Variants in TEC observed in about 807,000 individuals in gnomAD.
TEC encodes tyrosine-protein kinase Tec.
Under a neutral mutation model 93.0 loss-of-function variants are expected in TEC, and 72 were observed. The observed-to-expected ratio is 0.77, with a 90% CI of 0.64 to 0.94. The LOEUF (loss-of-function observed/expected upper bound fraction) is 0.94, where lower values mean the gene tolerates loss of function less well. Among genes scored for constraint, TEC ranks in the 40% least tolerant of loss-of-function variants. The pLI, the probability that TEC is intolerant of heterozygous loss-of-function variation, is 0.00. For missense variants in TEC, 630 were observed against 757.9 expected (o/e 0.83, Z 1.98); for synonymous variants, 249 against 247.7 (o/e 1.01, Z -0.05).
chr4:48,223,308 A>G (rs1306900915), intron 2 of TEC, among the ~76,000 whole-genome samples: 1 of 152,232 alleles, frequency 6.6e-6, no homozygotes, highest in Non-Finnish European at 1.5e-5. Context: ...AAAAATATCC[A>G]TGAAACTTTT....
In TEC at chr4:48,261,172, C is replaced by T. The variant is rs537051460; in HGVS notation, c.-46+8580G>A. 3.3e-5 allele frequency among the ~76,000 whole-genome samples: 5 copies of T among 152,242 alleles called. No individual in the cohort carries two copies. In the East Asian group the frequency reaches 9.6e-4, roughly 29 times the overall value. ...TGAACAAGAATTATTTCATGCAATG[C>T]TTCTATAACTGGTTTAAGTATGTGA... On this transcript the variant is annotated intron_variant, in intron 1 of 17. Coordinates refer to ENST00000381501, the MANE Select transcript of TEC (RefSeq NM_003215.3).
At chr4:48,185,193 T>A (rs115470017) in intron 2 of TEC, among the ~76,000 whole-genome samples, 1 of 152,188 alleles carries the variant, frequency 6.6e-6, no homozygotes. Flanking sequence ...AGTCAACTGT[T>A]TAACAGAAAA....
At chr4:48,232,430 A>C (rs2664021) in intron 1 of TEC, among the ~76,000 whole-genome samples, 34,526 of 152,220 alleles carry the variant, frequency 0.23, 4,455 homozygotes, top group African/African-American at 0.34. Context: ...AAGTTCAGAA[A>C]AGTTAAATGG....
chr4:48,224,418 C>A (rs961406064), intron 2 of TEC, among the ~76,000 whole-genome samples: 20 of 152,176 alleles, frequency 1.3e-4, no homozygotes, highest in African/African-American at 4.8e-4. Context: ...TCCAGTGCTG[C>A]TCTTCCTTGG....
intron 10 of TEC, among the ~76,000 whole-genome samples, chr4:48,150,180 T>A (rs527292830): frequency 1.3e-5 from 2 of 152,160 alleles, no homozygotes; most frequent in South Asian, 4.1e-4. Context: ...TCACTGACAT[T>A]GACATGAACT....
At chr4:48,178,588 A>G (rs184929142) in intron 2 of TEC, among the ~76,000 whole-genome samples, 3 of 152,248 alleles carry the variant, frequency 2.0e-5, no homozygotes. Flanking sequence ...ACATTACCCA[A>G]AGCCAGCTAG....
chr4:48,230,250 C>T (rs1014197080), intron 1 of TEC, among the ~76,000 whole-genome samples: 2 of 152,074 alleles, frequency 1.3e-5, no homozygotes, highest in Admixed American at 6.5e-5. Context: ...ACCTCCAATG[C>T]ACCCTTTAAT....
At chr4:48,245,761 C>T (rs531927134) in intron 1 of TEC, among the ~76,000 whole-genome samples, 45 of 152,038 alleles carry the variant, frequency 3.0e-4, no homozygotes, top group Admixed American at 5.2e-4. Context: ...CCTCATTCCC[C>T]GACTTCTAGG....
intron 2 of TEC, among the ~76,000 whole-genome samples, chr4:48,178,423 C>T (rs564241366): frequency 6.6e-6 from 1 of 152,092 alleles, no homozygotes; most frequent in South Asian, 2.1e-4. Context: ...GGTTGAGACA[C>T]TATCGTTGGC....
chr4:48,205,584 AT>A (rs1722689873), intron 2 of TEC, among the ~76,000 whole-genome samples: 4 of 152,236 alleles, frequency 2.6e-5, no homozygotes, highest in Admixed American at 2.0e-4. Context: ...ATTTTTTAAA[AT>A]AAGCTACATA....
At chr4:48,247,580 T>C (rs1724095157) in intron 1 of TEC, among the ~76,000 whole-genome samples, 1 of 152,192 alleles carries the variant, frequency 6.6e-6, no homozygotes, top group Non-Finnish European at 1.5e-5. Context: ...GAAATACTGA[T>C]ACATGGTACA....
intron 2 of TEC, among the ~76,000 whole-genome samples, chr4:48,182,110 C>G (rs1721614591): frequency 6.6e-6 from 1 of 151,960 alleles, no homozygotes; most frequent in African/African-American, 2.4e-5. Context: ...TGGGAAAACC[C>G]CATCTCTACT....
rs181800240 is a variant in TEC at position 48,224,850 on chromosome 4, G to A, written c.138+3627C>T. On this transcript the variant is annotated intron_variant, in intron 2 of 17. Coordinates refer to ENST00000381501, the MANE Select transcript of TEC (RefSeq NM_003215.3). The stretch of plus-strand genomic sequence containing the variant: ...AGCTTGCTGTCATCATGTTGAAGAA[G>A]CTGTCCAGAGAATAAGGAGAAGATG... Among the ~76,000 whole-genome samples the A allele has an allele frequency of 4.1e-4, 63 of 152,292 alleles. 1 individual carries two copies. Among genetic ancestry groups the A allele is most frequent in the Admixed American group, 3.5e-3 (53 of 15,294 alleles).
At chr4:48,239,438 A>G (rs1396889778) in intron 1 of TEC, among the ~76,000 whole-genome samples, 1 of 152,204 alleles carries the variant, frequency 6.6e-6, no homozygotes, top group Non-Finnish European at 1.5e-5. Context: ...TTTCTTGTAT[A>G]AAACGAATAT....
chr4:48,141,665 CTT>C, intron 14 of TEC: 2 of 294,156 alleles, frequency 6.8e-6, no homozygotes. Context: ...TACCAATTGT[CTT>C]TTTTTTTTCT....
intron 2 of TEC, among the ~76,000 whole-genome samples, chr4:48,189,418 C>T (rs1722014214): frequency 6.6e-6 from 1 of 152,348 alleles, no homozygotes; most frequent in African/African-American, 2.4e-5. Context: ...TCAGCCACCT[C>T]TCCTGAGACG....
intron 9 of TEC, among the ~76,000 whole-genome samples, chr4:48,153,227 A>G (rs1212063595): frequency 6.6e-6 from 1 of 152,206 alleles, no homozygotes; most frequent in Non-Finnish European, 1.5e-5. Flanking sequence ...AGCCAAAAAA[A>G]AAAAAGAAAT....
chr4:48,168,051 T>C, intron 6 of TEC, 98 bp from the exon 7 acceptor site: 2 of 1,086,644 alleles, frequency 1.8e-6, no homozygotes, highest in Non-Finnish European at 2.7e-6. Context: ...CAGAATAAAC[T>C]AGAAACTTCA....
At chr4:48,157,071 C>T (rs142307768) in intron 8 of TEC, among the ~76,000 whole-genome samples, 1 of 152,154 alleles carries the variant, frequency 6.6e-6, no homozygotes, top group Non-Finnish European at 1.5e-5. Flanking sequence ...TGATAGTATG[C>T]ATGTGTCATA....
Sources: allele counts gnomAD v4.1 joint callset (sites outside exome capture counted in the v4.1 genomes callset), GRCh38; gene constraint gnomAD v4.1.1; transcripts MANE v1.5; gene names NCBI Gene and HGNC (gene_info 2026-07-23, HGNC 2026-07-21).